The following PKD2L1 variants were observed in gnomAD, a reference collection of about 807,000 sequenced individuals.
PKD2L1 encodes the protein polycystin-2-like protein 1.
In PKD2L1, 77 loss-of-function variants were observed where a neutral mutation model predicts 93.0. The ratio of observed to expected loss-of-function variants is 0.83; its 90% CI spans 0.69 to 1.00. PKD2L1 has a LOEUF of 1.00. Ranked by LOEUF, PKD2L1 falls within the 50% of genes least tolerant of loss-of-function variation. The pLI, the probability that PKD2L1 is intolerant of heterozygous loss-of-function variation, is 0.00. For missense variants in PKD2L1, 977 were observed against 990.9 expected (o/e 0.99, Z 0.19); for synonymous variants, 390 against 388.0 (o/e 1.01, Z -0.06).
chr10:100,292,856 A>G (rs1848433753), intron 11 of PKD2L1, 92 bp downstream of exon 11: 2 of 1,398,614 alleles, frequency 1.4e-6, no homozygotes. Context: ...CCCCTAAACT[A>G]AAACCAAAGG....
Position 100,288,999 on chromosome 10 carries a change from A to T in PKD2L1, c.2308T>A (p.Trp770Arg). Residue 770 changes from tryptophan to arginine, a missense_variant, in exon 15 of 16, where the codon TGG becomes AGG. Transcript: ENST00000318222. ...QPAPAVTPDP[W>R]GVQGGQESEV... ...CTCTCCTGCCCACCCTGGACTCCCCAGGGGTCTGGGGTCACAGCTGGGGCT... is the reference window on the plus strand; with the variant it reads ...CTCTCCTGCCCACCCTGGACTCCCCTGGGGTCTGGGGTCACAGCTGGGGCT... 1.9e-6 allele frequency: 3 copies of T among 1,611,394 alleles called. No homozygotes were observed. The highest frequency in any genetic ancestry group is 2.5e-6 in the Non-Finnish European group (3 of 1,178,368).
rs764216481 is a variant in PKD2L1 at position 100,301,140 on chromosome 10, C to T, written c.350-1422G>A. ...CAATTTTCAAAGGGGAGGGAGTGTA[C>T]GAATAGGGTGTGGGTCACAGAGATC... On this transcript the variant is annotated intron_variant, in intron 2 of 15. Transcript: ENST00000318222. 1.1e-4 allele frequency among the ~76,000 whole-genome samples: 16 copies of T among 151,986 alleles called. No individual in the cohort carries two copies. In the South Asian group the frequency reaches 1.5e-3, roughly 14 times the overall value.
intron 2 of PKD2L1, among the ~76,000 whole-genome samples, chr10:100,314,667 T>C (rs556304639): frequency 3.9e-5 from 6 of 152,264 alleles, no homozygotes; most frequent in Non-Finnish European, 7.4e-5. Context: ...CTGTTGACTT[T>C]ACACATCCTT....
chr10:100,305,255 G>A (rs940152674), intron 2 of PKD2L1, among the ~76,000 whole-genome samples: 2 of 152,008 alleles, frequency 1.3e-5, no homozygotes, highest in African/African-American at 4.8e-5. Flanking sequence ...GGGATTACGG[G>A]CGCCCGGCAC....
chr10:100,315,012 AAGGGAAGGGAAGGGAAGGG>A, intron 2 of PKD2L1, among the ~76,000 whole-genome samples: 1 of 9,784 alleles, frequency 1.0e-4, no homozygotes, highest in Admixed American at 1.5e-3. Flanking sequence ...GGAAGGAAGG[AAGGGAAGGGAAGGGAAGGG>A]AAGGGAAGGG....
At position 100,298,618 on chromosome 10, in the gene PKD2L1, A is replaced by G; in HGVS notation, c.675T>C (p.Asp225=). 6.2e-7 allele frequency: 1 copy of G among 1,614,168 alleles called. No homozygotes were observed. ...DFREDILSCY[D]VYSPDKEEQL... ...GTTCTTCTTTGTCTGGAGAGTAGAC[A>G]TCATAGCAGCTCAGAATGTCCTCCC... The change falls in exon 4 of 16, where the codon GAT becomes GAC. Residue 225 remains aspartate (D), a synonymous_variant. Transcript: ENST00000318222.
rs567307573 is a variant in PKD2L1, at chr10:100,297,312, G to C, written c.956+70C>G. 339 of 1,532,208 alleles carry C rather than the reference G, an allele frequency of 2.2e-4. No individual in the cohort carries two copies. In the African/African-American group the frequency reaches 4.2e-3, roughly 19 times the overall value. 94.9% of individuals were successfully genotyped at this position (1,532,208 alleles called of 1,614,324 possible). A position where few individuals can be genotyped will look rare whatever the true frequency, so the allele number is the denominator to read the frequency against. On this transcript the variant is annotated intron_variant, in intron 5 of 15. Coordinates refer to ENST00000318222, the MANE Select transcript of PKD2L1 (RefSeq NM_016112.3). ...CACCACAGGGTAGGAGTTTAGGGAA[G>C]GGTCTCATGCACAAGAGACGGGAAC...
Position 100,296,125 on chromosome 10 carries a change from G to T in PKD2L1, c.1353C>A (p.Ile451=). The T allele has an allele frequency of 6.2e-7, 1 of 1,608,360 alleles. No individual in the cohort carries two copies. Among genetic ancestry groups the T allele is most frequent in the Non-Finnish European group, 8.5e-7 (1 of 1,177,500 alleles). The stretch of plus-strand genomic sequence containing the variant: ...TGGGTGTGGGAATCCCAGGTACCTT[G>T]ATCCAGGCGAAGAAGAGGTTGACAG... The part of the protein sequence containing the change: ...MNAVNLFFAW[I]KIFKYISFNK... Residue 451 remains isoleucine, a synonymous_variant, in exon 7 of 16, where the codon ATC becomes ATA. Coordinates refer to ENST00000318222, the MANE Select transcript of PKD2L1 (RefSeq NM_016112.3).
chr10:100,299,894 T>G (rs1848639962), intron 2 of PKD2L1, among the ~76,000 whole-genome samples, 176 bp from the exon 3 acceptor site: 1 of 152,128 alleles, frequency 6.6e-6, no homozygotes, highest in Admixed American at 6.5e-5. Flanking sequence ...GGAAATGCAT[T>G]AGGAAAGGGT....
At chr10:100,303,848 G>C (rs1352521636) in intron 2 of PKD2L1, among the ~76,000 whole-genome samples, 2 of 152,240 alleles carry the variant, frequency 1.3e-5, no homozygotes, top group Non-Finnish European at 2.9e-5. Flanking sequence ...CTGATAGCAA[G>C]CTGAACCTTT....
intron 2 of PKD2L1, among the ~76,000 whole-genome samples, chr10:100,321,319 G>A (rs750258034): frequency 2.6e-5 from 4 of 152,008 alleles, no homozygotes; most frequent in Non-Finnish European, 5.9e-5. Context: ...AATTAACCAG[G>A]CGTGGTGGCA....
intron 2 of PKD2L1, among the ~76,000 whole-genome samples, chr10:100,314,113 A>G (rs1449710256): frequency 2.0e-5 from 3 of 152,210 alleles, no homozygotes; most frequent in African/African-American, 4.8e-5. Context: ...GTGAACCACC[A>G]TGACTTGCCT....
intron 2 of PKD2L1, among the ~76,000 whole-genome samples, chr10:100,326,831 G>A (rs556943747): frequency 6.6e-6 from 1 of 152,310 alleles, no homozygotes; most frequent in South Asian, 2.1e-4. Context: ...CCAAACCTGT[G>A]CAAATTTGGA....
intron 2 of PKD2L1, among the ~76,000 whole-genome samples, chr10:100,312,262 G>T (rs1393905450): frequency 6.6e-6 from 1 of 152,194 alleles, no homozygotes; most frequent in Non-Finnish European, 1.5e-5. Flanking sequence ...CTTCAGTAAC[G>T]AAGTCTATGA....
intron 2 of PKD2L1, among the ~76,000 whole-genome samples, chr10:100,319,518 C>T (rs1392533002): frequency 6.6e-6 from 1 of 152,328 alleles, no homozygotes; most frequent in Admixed American, 6.5e-5. Context: ...GCTTTCTGAA[C>T]CTCCAATATA....
At chr10:100,295,428 TA>T (rs751427378) in intron 7 of PKD2L1, among the ~76,000 whole-genome samples, 2,399 of 71,226 alleles carry the variant, frequency 0.034, 35 homozygotes, top group African/African-American at 0.071. Flanking sequence ...CTGGGACCAT[TA>T]AAAAAAAAAA....
rs777614497 is a variant in PKD2L1 at position 100,328,756 on chromosome 10, T to C, written c.349+455A>G. Among the ~76,000 whole-genome samples, 3 of 152,174 alleles carry C rather than the reference T, an allele frequency of 2.0e-5. No individual in the cohort carries two copies. The East Asian group carries it at 5.8e-4, about 29-fold the overall frequency. On this transcript the variant is annotated intron_variant, in intron 2 of 15. Coordinates refer to ENST00000318222, the MANE Select transcript of PKD2L1 (RefSeq NM_016112.3). ...TTACAGGCACCTGCCACCCAGCTAA[T>C]TTTTGTATTTTTAGTAGAGACAGGG...
intron 2 of PKD2L1, among the ~76,000 whole-genome samples, chr10:100,310,736 G>T (rs548873931): frequency 8.5e-5 from 13 of 152,248 alleles, no homozygotes; most frequent in Non-Finnish European, 1.3e-4. Flanking sequence ...TTTGGAGACA[G>T]TCTCACTCTG....
chr10:100,316,075 G>T (rs750834360), intron 2 of PKD2L1, among the ~76,000 whole-genome samples: 5 of 152,196 alleles, frequency 3.3e-5, no homozygotes, highest in Admixed American at 6.5e-5. Context: ...CATGGTCCCA[G>T]TGCACCCTCC....
Sources: allele counts gnomAD v4.1 joint callset (sites outside exome capture counted in the v4.1 genomes callset), GRCh38; gene constraint gnomAD v4.1.1; transcripts MANE v1.5; gene names NCBI Gene and HGNC (gene_info 2026-07-23, HGNC 2026-07-21).